Variants in KIF26B observed in about 807,000 individuals in gnomAD.
The protein encoded by KIF26B is kinesin-like protein KIF26B.
A neutral mutation model predicts 151.2 loss-of-function variants in KIF26B; 63 were observed. That is an observed-to-expected ratio of 0.42 (90% CI 0.34 to 0.51). The LOEUF is 0.51. KIF26B is among the 20% of genes least tolerant of loss of function. The pLI is 0.07. For missense variants in KIF26B, 2,813 were observed against 2,913.6 expected, an observed-to-expected ratio of 0.97 and a Z score of 0.79; for synonymous variants, 1,357 against 1,262.1, an observed-to-expected ratio of 1.08 and a Z score of -1.59.
chr1:245,678,627 G>A (rs1287388760), intron 10 of KIF26B, among the ~76,000 whole-genome samples: 1 of 152,130 alleles, frequency 6.6e-6, no homozygotes, highest in Non-Finnish European at 1.5e-5. Context: ...ACTTTGGGAG[G>A]CCAAGGAGGG....
intron 5 of KIF26B, among the ~76,000 whole-genome samples, chr1:245,579,662 CAAA>C (rs2043155577): frequency 3.0e-5 from 1 of 33,712 alleles, no homozygotes; most frequent in African/African-American, 5.1e-4. Flanking sequence ...ATACAAAAAA[CAAA>C]CAAACAAACA....
chr1:245,520,711 G>C (rs1661082443), intron 4 of KIF26B, among the ~76,000 whole-genome samples: 1 of 151,878 alleles, frequency 6.6e-6, no homozygotes, highest in African/African-American at 2.4e-5. Context: ...CACCATTCCT[G>C]GCAGTTAAGA....
At chr1:245,347,758 T>C (rs535975775) in intron 2 of KIF26B, among the ~76,000 whole-genome samples, 1 of 152,272 alleles carries the variant, frequency 6.6e-6, no homozygotes, top group African/African-American at 2.4e-5. Context: ...AAAGCTCTTA[T>C]GAAGGTCACT....
chr1:245,636,523 C>T (rs2043835756), intron 9 of KIF26B, among the ~76,000 whole-genome samples: 1 of 151,960 alleles, frequency 6.6e-6, no homozygotes, highest in Admixed American at 6.6e-5. Context: ...AAACATTTAT[C>T]TTTGCTTTGT....
chr1:245,326,968 A>G (rs1455049818), intron 2 of KIF26B, among the ~76,000 whole-genome samples: 2 of 148,734 alleles, frequency 1.3e-5, no homozygotes, highest in East Asian at 1.9e-4. Context: ...TATCGCTTAC[A>G]GTTGTTTTTC....
intron 2 of KIF26B, among the ~76,000 whole-genome samples, chr1:245,237,958 C>T (rs1034393947): frequency 1.3e-5 from 2 of 150,520 alleles, no homozygotes; most frequent in East Asian, 2.0e-4. Flanking sequence ...CCCCGGAGGT[C>T]GAGGCTGTGG....
chr1:245,155,933 T>A (rs1418576853), intron 1 of KIF26B, among the ~76,000 whole-genome samples: 1 of 151,946 alleles, frequency 6.6e-6, no homozygotes, highest in Non-Finnish European at 1.5e-5. Context: ...AGGATTTTGT[T>A]CCCGGGATCT....
Position 245,685,725 on chromosome 1 carries a change from C to T in KIF26B, c.2742C>T (p.Gly914=), listed in dbSNP as rs545819093. Reference sequence around the variant, plus strand: ...CAGAGGCAGGAGAGGCTGCAGCCGGCAAGTCAGAAAGGGACTGCCTGAAGT... The same window carrying T: ...CAGAGGCAGGAGAGGCTGCAGCCGGTAAGTCAGAAAGGGACTGCCTGAAGT... ...RPAEAGEAAA[G]KSERDCLKCN... Residue 914 remains glycine (G), a synonymous_variant, in exon 12 of 15, where the codon GGC becomes GGT. Coordinates refer to ENST00000407071, the MANE Select transcript of KIF26B (RefSeq NM_018012.4). 8 of 1,612,166 alleles carry T rather than the reference C, an allele frequency of 5.0e-6. No homozygotes were observed. In the African/African-American group the frequency reaches 9.3e-5, roughly 19 times the overall value.
Position 245,698,364 on chromosome 1 carries a change from C to G in KIF26B, c.6027+56C>G, listed in dbSNP as rs2044722553. 26 of 1,515,364 alleles carry G rather than the reference C, an allele frequency of 1.7e-5. No individual in the cohort carries two copies. In the South Asian group the frequency reaches 3.0e-4, roughly 17 times the overall value. The allele number at this position is 1,515,364 out of a possible 1,614,324, so 93.9% of individuals were successfully genotyped here. ...ACGTGGTGGCAGCTCCCCACCAAGC[C>G]TGAGCAGGTGCTAGGCAGGGCCCTG... is the stretch of plus-strand genomic sequence containing the variant. On this transcript the variant is annotated intron_variant, in intron 13 of 14. Coordinates refer to ENST00000407071, the MANE Select transcript of KIF26B (RefSeq NM_018012.4). This position sits in a 1 kb window ranked among gnomAD's most constrained non-coding sequence, Gnocchi z 4.0.
intron 2 of KIF26B, among the ~76,000 whole-genome samples, chr1:245,330,957 G>A (rs1378763106): frequency 6.6e-6 from 1 of 151,976 alleles, no homozygotes; most frequent in Non-Finnish European, 1.5e-5. Flanking sequence ...GAGAGCCCAC[G>A]TAGTAAGTAA....
intron 5 of KIF26B, among the ~76,000 whole-genome samples, chr1:245,586,457 C>G (rs1286055086): frequency 6.6e-6 from 1 of 152,172 alleles, no homozygotes; most frequent in Non-Finnish European, 1.5e-5. Flanking sequence ...CCTTCTCTGT[C>G]CCTCCAGTGG....
chr1:245,503,041 G>A (rs1268766987), intron 4 of KIF26B, among the ~76,000 whole-genome samples: 1 of 151,956 alleles, frequency 6.6e-6, no homozygotes, highest in Non-Finnish European at 1.5e-5. Flanking sequence ...TGTATTTTTA[G>A]TAGAGACGGG....
chr1:245,645,971 A>C, intron 9 of KIF26B, 150 bp from the exon 10 acceptor site: 1 of 763,994 alleles, frequency 1.3e-6, no homozygotes, highest in South Asian at 2.0e-5. Flanking sequence ...CCCCAGCGTG[A>C]TTTTTCTGGG....
chr1:245,688,772 G>A lies in KIF26B; in HGVS notation c.5789G>A (p.Arg1930Gln), dbSNP rs752953621. 4.4e-6 allele frequency: 7 copies of A among 1,596,758 alleles called. No homozygotes were observed. The Admixed American group carries it at 8.4e-5, about 19-fold the overall frequency. The change falls in exon 12 of 15, where the codon CGG (arginine) becomes CAG (glutamine). Residue 1930 changes from arginine (R) to glutamine (Q), a missense_variant. Arg to Gln is a conservative substitution (Grantham distance 43, BLOSUM62 1). This residue lies in a region of KIF26B where 2,060 missense variants were observed against 2,088.6 expected (regional missense o/e 0.99). Coordinates refer to ENST00000407071, the MANE Select transcript of KIF26B (RefSeq NM_018012.4). Reference sequence around the variant, plus strand: ...AGCAGCTCCGTGGGCGGCAGGTGCCGGAGCCTCAAGACCCCGAAGAAACGC... The same window carrying A: ...AGCAGCTCCGTGGGCGGCAGGTGCCAGAGCCTCAAGACCCCGAAGAAACGC... The part of the protein sequence containing the change: ...ENSSSVGGRC[R>Q]SLKTPKKRSN...
chr1:245,419,515 T>C, intron 3 of KIF26B, 64 bp from the exon 4 acceptor site: 1 of 1,475,760 alleles, frequency 6.8e-7, no homozygotes, highest in Non-Finnish European at 9.2e-7. Flanking sequence ...AGAGAGATGC[T>C]GTCAGTGGTC....
intron 9 of KIF26B, among the ~76,000 whole-genome samples, chr1:245,625,617 T>C (rs535024588): frequency 2.0e-5 from 3 of 152,378 alleles, no homozygotes; most frequent in African/African-American, 4.8e-5. Flanking sequence ...CACTTATTTG[T>C]GTTGGGAACA....
intron 2 of KIF26B, among the ~76,000 whole-genome samples, chr1:245,316,413 C>T (rs1461902500): frequency 6.6e-5 from 10 of 152,042 alleles, no homozygotes; most frequent in Admixed American, 2.6e-4. Flanking sequence ...CATGAGCCAC[C>T]GCGTCCGGCC....
chr1:245,435,062 TCC>T (rs1220937496), intron 4 of KIF26B, among the ~76,000 whole-genome samples: 12 of 36,794 alleles, frequency 3.3e-4, no homozygotes, highest in Non-Finnish European at 6.1e-4. Context: ...TCTCCATCCA[TCC>T]ATCCATCCAT....
At chr1:245,611,771 T>C in intron 8 of KIF26B, 22 bp from the exon 9 acceptor site, 1 of 1,610,088 alleles carries the variant, frequency 6.2e-7, no homozygotes, top group Non-Finnish European at 8.5e-7. Flanking sequence ...TGCAGCCTCA[T>C]CTCTTGGCTT....
Sources: gnomAD v4.1 joint callset for allele counts (sites outside exome capture counted in the v4.1 genomes callset) on GRCh38, gnomAD v4.1.1 for gene constraint, gnomAD v4.1.1 regional missense constraint, Gnocchi (gnomAD v3.1) non-coding constraint, MANE v1.5 for transcripts, NCBI Gene and HGNC (gene_info 2026-07-23, HGNC 2026-07-21) for gene names.